SYN3: variants seen among roughly 807,000 people sequenced by gnomAD.
SYN3 encodes the protein synapsin III.
Under a neutral mutation model 65.8 loss-of-function variants are expected in SYN3, and 35 were observed. The ratio of observed to expected loss-of-function variants is 0.53; its 90% CI spans 0.41 to 0.70. The LOEUF is 0.70. Ranked by LOEUF, SYN3 falls within the 30% of genes least tolerant of loss-of-function variation. SYN3 has a pLI of 0.00. For synonymous variants in SYN3, 270 were observed against 292.9 expected (o/e 0.92, Z 0.80); for missense variants, 680 against 749.0 (o/e 0.91, Z 1.08).
rs185162489 is a variant in SYN3, at chr22:32,542,179, G to A, written c.775-466C>T. The stretch of plus-strand genomic sequence containing the variant: ...CTGGAAAGCCACTGGAAGAGGGAGT[G>A]GAGTTTAAATAAGGAAATGGTGTAG... On this transcript the variant is annotated intron_variant, in intron 7 of 13. Coordinates refer to ENST00000358763, the MANE Select transcript of SYN3 (RefSeq NM_003490.4). Among the ~76,000 whole-genome samples the A allele has an allele frequency of 9.9e-5, 15 of 152,262 alleles. 1 individual carries two copies. The highest frequency in any genetic ancestry group is 3.6e-4 in the African/African-American group (15 of 41,532).
At chr22:32,581,792 CTTTTTT>C (rs10716395) in intron 7 of SYN3, among the ~76,000 whole-genome samples, 27 of 84,316 alleles carry the variant, frequency 3.2e-4, no homozygotes, top group African/African-American at 1.1e-3. Context: ...TTCTTTCTTT[CTTTTTT>C]TTTTTTTTTT....
intron 3 of SYN3, among the ~76,000 whole-genome samples, chr22:32,955,852 G>A (rs974604247): frequency 1.3e-5 from 2 of 151,908 alleles, no homozygotes; most frequent in African/African-American, 4.8e-5. Context: ...AGAAGAACAT[G>A]AAAAGGCTAG....
intron 4 of SYN3, among the ~76,000 whole-genome samples, chr22:32,905,576 C>A (rs1005850493): frequency 1.3e-5 from 2 of 152,228 alleles, no homozygotes; most frequent in Non-Finnish European, 2.9e-5. Flanking sequence ...ATTTGATTCT[C>A]ACAGGCGCAT....
Position 32,863,626 on chromosome 22 carries a change from T to C in SYN3, c.711+1289A>G, listed in dbSNP as rs369054531. Among the ~76,000 whole-genome samples, 68 of 152,282 alleles carry C rather than the reference T, an allele frequency of 4.5e-4. 1 individual carries two copies. In the South Asian group the frequency reaches 0.014, roughly 31 times the overall value. On this transcript the variant is annotated intron_variant, in intron 6 of 13. Transcript: ENST00000358763. Reference sequence around the variant, plus strand: ...CCCTCGCCTGACTTTCATCCCACCATTGACAACGTTCTAGGTTTTCACCCT... The same window carrying C: ...CCCTCGCCTGACTTTCATCCCACCACTGACAACGTTCTAGGTTTTCACCCT...
Position 32,848,974 on chromosome 22 carries a change from T to C in SYN3, c.711+15941A>G, listed in dbSNP as rs145376781. Among the ~76,000 whole-genome samples, 17 of 152,230 alleles carry C rather than the reference T, an allele frequency of 1.1e-4. No homozygotes were observed. In the East Asian group the frequency reaches 3.1e-3, roughly 28 times the overall value. ...GAAGCTAGGGTGCACCACAACCCTG[T>C]AGACATGTCAAGATGTGGTGAATTA... On this transcript the variant is annotated intron_variant, in intron 6 of 13. Transcript: ENST00000358763.
chr22:32,979,720 A>T (rs1276441655), intron 3 of SYN3, among the ~76,000 whole-genome samples: 1 of 152,198 alleles, frequency 6.6e-6, no homozygotes, highest in Non-Finnish European at 1.5e-5. Flanking sequence ...GTACTGTTCA[A>T]GCACTTTTCA....
rs545172818 is a variant in SYN3, at chr22:32,541,487, T to G, written c.917+84A>C. 2.9e-5 allele frequency: 44 copies of G among 1,510,098 alleles called. No homozygotes were observed. In the Admixed American group the frequency reaches 3.4e-4, roughly 12 times the overall value. 93.5% of individuals were successfully genotyped at this position (1,510,098 alleles called of 1,614,324 possible). On this transcript the variant is annotated intron_variant, in intron 8 of 13. Transcript: ENST00000358763. The stretch of plus-strand genomic sequence containing the variant: ...CAGGAAGGAGGATAATGATGCACCC[T>G]TGGGTGCAGGAGACAGCGGCTGGAC...
rs1186971469 is a variant in SYN3, at chr22:32,920,717, A to T, written c.461+10673T>A. ...CCTGACCCCATTCTATGCTTTTTCC[A>T]CTCTTCTCTGCCCTGCTCTGAGCTA... On this transcript the variant is annotated intron_variant, in intron 4 of 13. Transcript: ENST00000358763. 2.6e-5 allele frequency among the ~76,000 whole-genome samples: 4 copies of T among 150,944 alleles called. No individual in the cohort carries two copies. The East Asian group carries it at 7.8e-4, about 29-fold the overall frequency.
At chr22:32,862,977 A>G (rs936817284) in intron 6 of SYN3, 7 of 152,646 alleles carry the variant, frequency 4.6e-5, no homozygotes, top group African/African-American at 1.7e-4. Context: ...GTAATGTTGC[A>G]TAATGTTCAC....
intron 6 of SYN3, among the ~76,000 whole-genome samples, chr22:32,753,773 C>T (rs1569197333): frequency 6.6e-6 from 1 of 152,212 alleles, no homozygotes; most frequent in East Asian, 1.9e-4. Context: ...GCCCTCCAGG[C>T]CTTGTCCTAA....
chr22:32,906,216 G>C (rs2049898454), intron 4 of SYN3, among the ~76,000 whole-genome samples: 1 of 152,150 alleles, frequency 6.6e-6, no homozygotes, highest in Non-Finnish European at 1.5e-5. Flanking sequence ...TTCTCAGTGT[G>C]TGCTCCTGGG....
intron 6 of SYN3, among the ~76,000 whole-genome samples, chr22:32,812,435 A>G (rs1475234580): frequency 6.6e-6 from 1 of 152,212 alleles, no homozygotes; most frequent in Admixed American, 6.5e-5. Context: ...ACAGACAGCA[A>G]CCTTGCAGAC....
chr22:32,532,327 A>C (rs1427341391), intron 10 of SYN3, among the ~76,000 whole-genome samples: 1 of 152,280 alleles, frequency 6.6e-6, no homozygotes, highest in African/African-American at 2.4e-5. Flanking sequence ...TTCCTGCCCC[A>C]CCTCTGGGCT....
intron 6 of SYN3, among the ~76,000 whole-genome samples, chr22:32,604,964 C>T (rs984526991): frequency 1.3e-4 from 19 of 149,348 alleles, no homozygotes; most frequent in African/African-American, 4.2e-4. Flanking sequence ...CGAGATGGCG[C>T]CACTGCACAC....
In SYN3 at chr22:32,758,970, A is replaced by G. The variant is rs182008848; in HGVS notation, c.711+105945T>C. Reference sequence around the variant, plus strand: ...TGATGATAACCAAAAGTCTTCCCACAAGTTTCCAAACTGCATTTCAAGGGA... The same window carrying G: ...TGATGATAACCAAAAGTCTTCCCACGAGTTTCCAAACTGCATTTCAAGGGA... On this transcript the variant is annotated intron_variant, in intron 6 of 13. Coordinates refer to ENST00000358763, the MANE Select transcript of SYN3 (RefSeq NM_003490.4). Among the ~76,000 whole-genome samples, 311 of 151,710 alleles carry G rather than the reference A, an allele frequency of 2.0e-3. 1 individual carries two copies. The highest frequency in any genetic ancestry group is 7.0e-3 in the African/African-American group (289 of 41,400).
chr22:32,768,927 C>T (rs1029936885), intron 6 of SYN3, among the ~76,000 whole-genome samples: 7 of 152,170 alleles, frequency 4.6e-5, no homozygotes, highest in African/African-American at 1.7e-4. Flanking sequence ...TACCCACCTT[C>T]CAGTACCTAT....
chr22:32,538,326 GT>G (rs1484503630), intron 8 of SYN3, among the ~76,000 whole-genome samples: 1 of 152,084 alleles, frequency 6.6e-6, no homozygotes, highest in Non-Finnish European at 1.5e-5. Context: ...CCTAGGTATT[GT>G]TTTCTAAGTC....
At chr22:32,670,346 T>G (rs957943027) in intron 6 of SYN3, among the ~76,000 whole-genome samples, 2 of 152,200 alleles carry the variant, frequency 1.3e-5, no homozygotes, top group Admixed American at 6.5e-5. Context: ...CAAAAAAGTC[T>G]GAGGGAATCT....
intron 6 of SYN3, among the ~76,000 whole-genome samples, chr22:32,665,760 T>C (rs2060281722): frequency 6.6e-6 from 1 of 152,074 alleles, no homozygotes; most frequent in Non-Finnish European, 1.5e-5. Context: ...AGGGGTCAGC[T>C]CTCAGACCTT....
Sources: allele counts gnomAD v4.1 joint callset (sites outside exome capture counted in the v4.1 genomes callset), GRCh38; gene constraint gnomAD v4.1.1; transcripts MANE v1.5; gene names NCBI Gene and HGNC (gene_info 2026-07-23, HGNC 2026-07-21).